Variants in PIK3C2B observed in about 807,000 individuals in gnomAD.
PIK3C2B encodes the protein phosphatidylinositol-4-phosphate 3-kinase catalytic subunit type 2 beta, also known as phosphatidylinositol 4-phosphate 3-kinase C2 domain-containing subunit beta.
PIK3C2B carries 83 observed loss-of-function variants against 184.3 expected under a neutral mutation model. The observed-to-expected ratio is 0.45, with a 90% confidence interval of 0.38 to 0.54. The LOEUF is 0.54. Among genes scored for constraint, PIK3C2B ranks in the 20% least tolerant of loss-of-function variants. The probability of loss-of-function intolerance (pLI) is 0.00; values close to 1 mark genes in which losing one functional copy is unlikely to be tolerated. For missense variants in PIK3C2B, 1,736 were observed against 2,113.5 expected (o/e 0.82, Z 3.50); for synonymous variants, 779 against 837.6 (o/e 0.93, Z 1.21).
chr1:204,437,663 G>T (rs1285181510), intron 23 of PIK3C2B, among the ~76,000 whole-genome samples: 1 of 152,180 alleles, frequency 6.6e-6, no homozygotes, highest in Non-Finnish European at 1.5e-5. Flanking sequence ...CTGGGAAGAA[G>T]AATAAACAGA....
rs1658229794 is a variant in PIK3C2B at position 204,494,416 on chromosome 1, T to G, written c.-145A>C. 6.6e-6 allele frequency: 1 copy of G among 152,316 alleles called. No individual in the cohort carries two copies. Among genetic ancestry groups the G allele is most frequent in the Non-Finnish European group, 1.5e-5 (1 of 68,114 alleles). 9.4% of individuals were successfully genotyped at this position (152,316 alleles called of 1,614,324 possible). ...GTGTCTTGTGCCTGGCGACGTGGGC[T>G]GCTCGCTCCGCGCCTCCCGGGCTCG... On this transcript the variant is annotated 5_prime_UTR_variant, in exon 1 of 33. Coordinates refer to ENST00000684373, the MANE Select transcript of PIK3C2B (RefSeq NM_001377334.1).
intron 1 of PIK3C2B, among the ~76,000 whole-genome samples, chr1:204,492,765 G>C (rs1007072274): frequency 1.3e-5 from 2 of 152,154 alleles, no homozygotes; most frequent in Non-Finnish European, 2.9e-5. Flanking sequence ...CAGTGGAGAA[G>C]GAAATAGACA....
At chr1:204,442,964 A>T (rs545705116) in intron 19 of PIK3C2B, among the ~76,000 whole-genome samples, 1 of 152,368 alleles carries the variant, frequency 6.6e-6, no homozygotes, top group East Asian at 1.9e-4. Context: ...GGACGTTGAT[A>T]CAAAATCTCT....
chr1:204,432,137 G>C (rs1572284994), intron 27 of PIK3C2B, 63 bp downstream of exon 27: 2 of 1,474,184 alleles, frequency 1.4e-6, no homozygotes, highest in East Asian at 4.5e-5. Context: ...AAAAAGTCAG[G>C]ATCCCAGCAA....
At chr1:204,458,100 C>T (rs971031810) in intron 8 of PIK3C2B, among the ~76,000 whole-genome samples, 3 of 152,344 alleles carry the variant, frequency 2.0e-5, no homozygotes, top group Non-Finnish European at 4.4e-5. Flanking sequence ...TTCTTTCAGC[C>T]GTTCCCCTTG....
chr1:204,436,360 T>A (rs1675342805), intron 23 of PIK3C2B, among the ~76,000 whole-genome samples: 1 of 152,028 alleles, frequency 6.6e-6, no homozygotes, highest in Non-Finnish European at 1.5e-5. Flanking sequence ...CAAAACCCCA[T>A]CTCCACGAAA....
At chr1:204,466,762 G>A (rs561979524) in intron 2 of PIK3C2B, 10 of 485,596 alleles carry the variant, frequency 2.1e-5, no homozygotes, top group Admixed American at 1.6e-4. Flanking sequence ...GAAAACAAAA[G>A]CCACTTACGT....
intron 12 of PIK3C2B, among the ~76,000 whole-genome samples, chr1:204,452,288 C>CCTTT (rs1654432702): frequency 1.4e-5 from 1 of 71,050 alleles, no homozygotes; most frequent in Non-Finnish European, 2.4e-5. Flanking sequence ...GTGCAGCACC[C>CCTTT]TTTTTTTTTT....
chr1:204,434,336 T>C, intron 24 of PIK3C2B, 103 bp downstream of exon 24: 1 of 1,037,670 alleles, frequency 9.6e-7, no homozygotes, highest in Non-Finnish European at 1.5e-6. Flanking sequence ...GACCATGATC[T>C]GAGGCCCAGC....
intron 8 of PIK3C2B, among the ~76,000 whole-genome samples, chr1:204,458,805 G>A (rs2999488): frequency 0.88 from 134,160 of 152,018 alleles, 61,293 homozygotes; most frequent in Non-Finnish European, 1. Flanking sequence ...AGGCTATGAC[G>A]ATTCTTACAC....
At chr1:204,482,207 A>G (rs1380557896) in intron 1 of PIK3C2B, among the ~76,000 whole-genome samples, 2 of 151,064 alleles carry the variant, frequency 1.3e-5, no homozygotes, top group South Asian at 2.1e-4. Flanking sequence ...TTGCCCCTCT[A>G]GAGTACAGTC....
Position 204,433,925 on chromosome 1 carries a change from G to A in PIK3C2B, c.3711C>T (p.Thr1237=), listed in dbSNP as rs1189409587. Residue 1237 remains threonine, a synonymous_variant, in exon 25 of 33, where the codon ACC becomes ACT. Coordinates refer to ENST00000684373, the MANE Select transcript of PIK3C2B (RefSeq NM_001377334.1). This position sits in a 1 kb window ranked among gnomAD's most constrained non-coding sequence, Gnocchi z 5.0. ...IKRDRAPFVF[T]SDMAYVINGG... ...CGTTGATGACATACGCCATGTCCGA[G>A]GTGAAGACAAAGGGGGCACGGTCCC... 3 of 1,613,922 alleles carry A rather than the reference G, an allele frequency of 1.9e-6. No individual in the cohort carries two copies. The highest frequency in any genetic ancestry group is 2.2e-5 in the South Asian group (2 of 91,074).
rs766124435 is a variant in PIK3C2B at position 204,441,528 on chromosome 1, G to C, written c.3192C>G (p.Leu1064=). 1.9e-6 allele frequency: 3 copies of C among 1,613,272 alleles called. No individual in the cohort carries two copies. The highest frequency in any genetic ancestry group is 2.5e-6 in the Non-Finnish European group (3 of 1,179,332). The change falls in exon 21 of 33, where the codon CTC becomes CTG. Residue 1064 remains leucine (L), a synonymous_variant. Transcript: ENST00000684373. ...GATCCACATTTTGGAAGGAGAGTTT[G>C]AGGGGGACAGCATTGGAGTTGAAGT... ...CSYFNSNAVP[L]KLSFQNVDPL... is the part of the protein sequence containing the mutation.
intron 18 of PIK3C2B, among the ~76,000 whole-genome samples, chr1:204,443,840 A>G (rs1250403223): frequency 1.3e-5 from 2 of 151,954 alleles, no homozygotes; most frequent in Non-Finnish European, 2.9e-5. Flanking sequence ...TCTCCTTTCT[A>G]TTTCTGCCAT....
At chr1:204,432,085 C>G in intron 27 of PIK3C2B, 115 bp downstream of exon 27, 1 of 951,950 alleles carries the variant, frequency 1.1e-6, no homozygotes, top group Non-Finnish European at 1.7e-6. Flanking sequence ...GCTCCCAGCA[C>G]AGGACGCTCG....
At chr1:204,448,918 G>A (rs569630574) in intron 14 of PIK3C2B, among the ~76,000 whole-genome samples, 3 of 152,286 alleles carry the variant, frequency 2.0e-5, no homozygotes, top group Admixed American at 1.3e-4. Flanking sequence ...CTCAGAAGCT[G>A]AGCCCTGAAT....
At chr1:204,452,296 T>TTTTC (rs1654436192) in intron 12 of PIK3C2B, among the ~76,000 whole-genome samples, 1 of 133,988 alleles carries the variant, frequency 7.5e-6, no homozygotes, top group Admixed American at 7.6e-5. Flanking sequence ...CCCTTTTTTT[T>TTTTC]TTTTTTTTTT....
chr1:204,461,151 T>A (rs1324994826), intron 5 of PIK3C2B, among the ~76,000 whole-genome samples: 4 of 152,168 alleles, frequency 2.6e-5, no homozygotes. Flanking sequence ...CAAAAAAACT[T>A]GGGGCAAGCC....
chr1:204,432,115 G>T, intron 27 of PIK3C2B, 85 bp downstream of exon 27: 1 of 1,222,352 alleles, frequency 8.2e-7, no homozygotes, highest in Non-Finnish European at 1.2e-6. Context: ...TGTGCCCACT[G>T]TGCAAGTGTG....
Sources: allele counts gnomAD v4.1 joint callset (sites outside exome capture counted in the v4.1 genomes callset), GRCh38; gene constraint gnomAD v4.1.1; non-coding constraint Gnocchi (gnomAD v3.1); transcripts MANE v1.5; gene names NCBI Gene and HGNC (gene_info 2026-07-23, HGNC 2026-07-21).